LYPD1: variants seen among roughly 807,000 people sequenced by gnomAD.
LYPD1 encodes the protein LY6/PLAUR domain containing 1, also known as ly6/PLAUR domain-containing protein 1.
A neutral mutation model predicts 14.2 loss-of-function variants in LYPD1; 14 were observed. The ratio of observed to expected loss-of-function variants is 0.99; its 90% CI spans 0.65 to 1.54. LYPD1 has a LOEUF of 1.54. Among genes scored for constraint, LYPD1 ranks in the 40% most tolerant of loss-of-function variants. LYPD1 has a pLI of 0.00. For synonymous variants in LYPD1, 85 were observed against 70.6 expected (o/e 1.20, Z -1.02); for missense variants, 165 against 175.7 (o/e 0.94, Z 0.34).
chr2:132,651,265 A>G (rs1682350616), intron 2 of LYPD1, among the ~76,000 whole-genome samples: 1 of 152,214 alleles, frequency 6.6e-6, no homozygotes, highest in African/African-American at 2.4e-5. Flanking sequence ...TCTGTGTAGT[A>G]CAAGGTTCTT....
In LYPD1 at chr2:132,648,415, C is replaced by T. The variant is rs371262911; in HGVS notation, c.191-2135G>A. 4.1e-4 allele frequency among the ~76,000 whole-genome samples: 63 copies of T among 152,368 alleles called. 2 individuals carry two copies. The highest frequency in any genetic ancestry group is 1.4e-3 in the African/African-American group (58 of 41,594). On this transcript the variant is annotated intron_variant, in intron 2 of 2. Transcript: ENST00000397463. ...TGTCATCAGTGTGGCATGCCTTCTT[C>T]CAGGCTGGTTTCTGTACATTTACAT...
intron 2 of LYPD1, among the ~76,000 whole-genome samples, chr2:132,661,375 A>G (rs1268136200): frequency 1.3e-5 from 2 of 152,222 alleles, no homozygotes; most frequent in Admixed American, 6.5e-5. Context: ...CTCTTGGCAC[A>G]TGTTGTTACT....
chr2:132,668,399 C>A lies in LYPD1; in HGVS notation c.190+1G>T. ...GAGGGGGAGGGCTGCCAGGCTCTTA[C>A]CGGCACTTTGCTCCATCACTTCTTT... On this transcript the variant is annotated splice_donor_variant, in intron 2 of 2. Transcript: ENST00000397463. LOFTEE classifies it high-confidence loss of function. 1 of 1,603,610 alleles carries A rather than the reference C, an allele frequency of 6.2e-7. No homozygotes were observed. Among genetic ancestry groups the A allele is most frequent in the Non-Finnish European group, 8.5e-7 (1 of 1,174,898 alleles).
chr2:132,652,822 C>T (rs1216099536), intron 2 of LYPD1, among the ~76,000 whole-genome samples: 1 of 152,168 alleles, frequency 6.6e-6, no homozygotes, highest in African/African-American at 2.4e-5. Flanking sequence ...GCTATGCGTG[C>T]TTGCTTTAAA....
intron 2 of LYPD1, among the ~76,000 whole-genome samples, chr2:132,647,444 T>G (rs779169344): frequency 1.3e-5 from 2 of 152,206 alleles, no homozygotes; most frequent in Non-Finnish European, 2.9e-5. Flanking sequence ...ATGTGGCTTT[T>G]TTTTGAGACG....
At chr2:132,646,957 A>G (rs1682128049) in intron 2 of LYPD1, among the ~76,000 whole-genome samples, 1 of 152,076 alleles carries the variant, frequency 6.6e-6, no homozygotes, top group South Asian at 2.1e-4. Context: ...TGGGTGCAAA[A>G]AAAAGCTTCC....
At chr2:132,649,313 A>G (rs987480686) in intron 2 of LYPD1, among the ~76,000 whole-genome samples, 1 of 152,132 alleles carries the variant, frequency 6.6e-6, no homozygotes, top group African/African-American at 2.4e-5. Flanking sequence ...TTTGAGAGGC[A>G]TGGGATGGGG....
At position 132,643,487 on chromosome 2, in the gene LYPD1, T is replaced by G. The variant is rs1282358117; in HGVS notation, c.*2558A>C. Among the ~76,000 whole-genome samples the G allele has an allele frequency of 6.6e-6, 1 of 152,192 alleles. No homozygotes were observed. Among genetic ancestry groups the G allele is most frequent in the African/African-American group, 2.4e-5 (1 of 41,466 alleles). On this transcript the variant is annotated 3_prime_UTR_variant, in exon 3 of 3. Coordinates refer to ENST00000397463, the MANE Select transcript of LYPD1 (RefSeq NM_144586.7). ...CATACAGGAGGCTCAATTCTGGATG[T>G]GTGAATGTGGCTGTTTTTTCCTGGA...
In LYPD1 at chr2:132,656,878, T is replaced by C. The variant is rs1682625249; in HGVS notation, c.191-10598A>G. On this transcript the variant is annotated intron_variant, in intron 2 of 2. Coordinates refer to ENST00000397463, the MANE Select transcript of LYPD1 (RefSeq NM_144586.7). ...CAAGTTCCACACTGCATATCCATAC[T>C]GATGTTGAGCCCATCTTGGCCTAGC... 2.0e-5 allele frequency among the ~76,000 whole-genome samples: 3 copies of C among 152,208 alleles called. No homozygotes were observed. In the South Asian group the frequency reaches 6.2e-4, roughly 31 times the overall value.
At chr2:132,652,248 T>C (rs189729773) in intron 2 of LYPD1, among the ~76,000 whole-genome samples, 1 of 151,970 alleles carries the variant, frequency 6.6e-6, no homozygotes, top group East Asian at 1.9e-4. Context: ...GCTCCAGCAA[T>C]CAGAACAGTG....
In LYPD1 at chr2:132,650,497, G is replaced by A. The variant is rs556878593; in HGVS notation, c.191-4217C>T. On this transcript the variant is annotated intron_variant, in intron 2 of 2. Coordinates refer to ENST00000397463, the MANE Select transcript of LYPD1 (RefSeq NM_144586.7). ...AGACATACTCACATACATACAAAAC[G>A]ACTATACACAAGGTTATTCATGGTA... Among the ~76,000 whole-genome samples, 17 of 152,146 alleles carry A rather than the reference G, an allele frequency of 1.1e-4. 2 individuals are homozygous for A. The highest frequency in any genetic ancestry group is 3.9e-4 in the African/African-American group (16 of 41,508).
intron 2 of LYPD1, among the ~76,000 whole-genome samples, chr2:132,663,332 G>A (rs2082179): frequency 0.46 from 70,405 of 151,724 alleles, 18,675 homozygotes; most frequent in East Asian, 0.66. Flanking sequence ...GGAGTGCAGT[G>A]GAGTAATCTC....
At chr2:132,668,649 G>A in intron 1 of LYPD1, 112 bp from the exon 2 acceptor site, 1 of 1,454,408 alleles carries the variant, frequency 6.9e-7, no homozygotes. Context: ...GGCAGGCTTA[G>A]ACCACTCCTG....
rs137985822 is a variant in LYPD1, at chr2:132,658,867, C to T, written c.190+9533G>A. Among the ~76,000 whole-genome samples, 28 of 152,286 alleles carry T rather than the reference C, an allele frequency of 1.8e-4. No homozygotes were observed. In the East Asian group the frequency reaches 4.1e-3, roughly 22 times the overall value. ...AGAGCTGATGACCAAGGCTGAATTC[C>T]AAGGTAGCAGAGTTCCAGCTGAGGA... is the stretch of plus-strand genomic sequence containing the variant. On this transcript the variant is annotated intron_variant, in intron 2 of 2. Coordinates refer to ENST00000397463, the MANE Select transcript of LYPD1 (RefSeq NM_144586.7).
Position 132,646,021 on chromosome 2 carries a change from G to A in LYPD1, c.*24C>T. The stretch of plus-strand genomic sequence containing the variant: ...GGCGAGGGCTGGAAGAACAATGCAG[G>A]AGGGGGTGGCATCTCCTTCAGCTTC... On this transcript the variant is annotated 3_prime_UTR_variant, in exon 3 of 3. Coordinates refer to ENST00000397463, the MANE Select transcript of LYPD1 (RefSeq NM_144586.7). 1 of 1,499,940 alleles carries A rather than the reference G, an allele frequency of 6.7e-7. No homozygotes were observed. The highest frequency in any genetic ancestry group is 1.3e-5 in the South Asian group (1 of 76,036). The allele number at this position is 1,499,940 out of a possible 1,614,324, so 92.9% of individuals were successfully genotyped here.
rs549128665 is a variant in LYPD1, at chr2:132,643,720, A to G, written c.*2325T>C. On this transcript the variant is annotated 3_prime_UTR_variant, in exon 3 of 3. Transcript: ENST00000397463. ...TTTTTTGTAGAGATGGGGTCTTGCT[A>G]TGTTGCCTAGGTGGGTCTCAAATTT... is the stretch of plus-strand genomic sequence containing the variant. Among the ~76,000 whole-genome samples the G allele has an allele frequency of 1.4e-4, 21 of 152,210 alleles. No homozygotes were observed. The highest frequency in any genetic ancestry group is 1.0e-3 in the South Asian group (5 of 4,826).
chr2:132,645,513 C>CCAGT lies in LYPD1; in HGVS notation c.*528_*531dup, dbSNP rs1377185681. On this transcript the variant is annotated 3_prime_UTR_variant, in exon 3 of 3. Coordinates refer to ENST00000397463, the MANE Select transcript of LYPD1 (RefSeq NM_144586.7). ...GCGAGGCCGAGCCCCAGTCTAAGTC[C>CCAGT]CAGTCATTGAGTCTCGAGTCACTAG... 1 of 1,613,370 alleles carries CCAGT rather than the reference C, an allele frequency of 6.2e-7. No individual in the cohort carries two copies. Among genetic ancestry groups the CCAGT allele is most frequent in the Non-Finnish European group, 8.5e-7 (1 of 1,179,864 alleles).
chr2:132,661,049 C>A (rs1480384993), intron 2 of LYPD1, among the ~76,000 whole-genome samples: 1 of 152,176 alleles, frequency 6.6e-6, no homozygotes, highest in Admixed American at 6.5e-5. Flanking sequence ...ACAGTGTACT[C>A]CTCTGTAAAG....
At chr2:132,663,902 TGGATTAAG>T (rs1184751424) in intron 2 of LYPD1, among the ~76,000 whole-genome samples, 2 of 152,194 alleles carry the variant, frequency 1.3e-5, no homozygotes, top group African/African-American at 4.8e-5. Context: ...CAACATAGCA[TGGATTAAG>T]GAATTTGTGA....
Sources: gnomAD v4.1 joint callset for allele counts (sites outside exome capture counted in the v4.1 genomes callset) on GRCh38, gnomAD v4.1.1 for gene constraint, MANE v1.5 for transcripts, NCBI Gene and HGNC (gene_info 2026-07-23, HGNC 2026-07-21) for gene names.